The following NEDD4L variants were observed in gnomAD, a reference collection of about 807,000 sequenced individuals.
NEDD4L encodes the protein NEDD4 like E3 ubiquitin protein ligase, also known as E3 ubiquitin-protein ligase NEDD4-like.
A neutral mutation model predicts 148.9 loss-of-function variants in NEDD4L; 54 were observed. That is an observed-to-expected ratio of 0.36 (90% CI 0.29 to 0.45). The LOEUF (loss-of-function observed/expected upper bound fraction) is 0.45. Among genes scored for constraint, NEDD4L ranks in the 20% least tolerant of loss-of-function variants. The probability of loss-of-function intolerance (pLI) is 1.00; values close to 1 mark genes in which losing one functional copy is unlikely to be tolerated. For synonymous variants in NEDD4L, 433 were observed against 440.7 expected, an observed-to-expected ratio of 0.98 and a Z score of 0.22; for missense variants, 856 against 1,233.8, an observed-to-expected ratio of 0.69 and a Z score of 4.59.
chr18:58,149,529 C>T (rs749832739), intron 1 of NEDD4L: 54 of 1,551,132 alleles, frequency 3.5e-5, no homozygotes, highest in Non-Finnish European at 4.6e-5. Flanking sequence ...ATATTGTATT[C>T]TCCTAAATGA....
intron 2 of NEDD4L, among the ~76,000 whole-genome samples, chr18:58,215,708 TGAAAAAAAATAGA>T (rs1464111271): frequency 6.6e-6 from 1 of 151,748 alleles, no homozygotes; most frequent in Non-Finnish European, 1.5e-5. Flanking sequence ...TTTCTAAGTC[TGAAAAAAAATAGA>T]GGAAAAAACA....
chr18:58,378,996 TTC>T (rs1012648760), intron 24 of NEDD4L, among the ~76,000 whole-genome samples: 1 of 152,206 alleles, frequency 6.6e-6, no homozygotes, highest in African/African-American at 2.4e-5. Context: ...TACTGCAGTG[TTC>T]TCCCACGAGC....
intron 23 of NEDD4L, among the ~76,000 whole-genome samples, chr18:58,370,690 A>C (rs920692022): frequency 2.0e-5 from 3 of 152,222 alleles, no homozygotes; most frequent in African/African-American, 7.2e-5. Context: ...ATACATCCAA[A>C]TCCCAGTTGC....
chr18:58,296,434 G>A (rs889209126), intron 5 of NEDD4L, among the ~76,000 whole-genome samples: 2 of 152,194 alleles, frequency 1.3e-5, no homozygotes, highest in Non-Finnish European at 2.9e-5. Flanking sequence ...CAGTTTTGGA[G>A]GCCGCTTCAA....
At chr18:58,341,847 ATTCT>A in intron 15 of NEDD4L, 50 bp downstream of exon 15, 1 of 1,581,878 alleles carries the variant, frequency 6.3e-7, no homozygotes, top group Non-Finnish European at 8.6e-7. Flanking sequence ...TGTGACTCCC[ATTCT>A]TTCTTCTCTC....
chr18:58,280,210 G>A (rs778845006), intron 5 of NEDD4L, among the ~76,000 whole-genome samples: 1 of 152,204 alleles, frequency 6.6e-6, no homozygotes, highest in Middle Eastern at 3.2e-3. Context: ...AAAGGTAGAT[G>A]ATGCCTCTGG....
intron 1 of NEDD4L, among the ~76,000 whole-genome samples, chr18:58,077,000 G>A (rs923334226): frequency 2.2e-4 from 34 of 151,188 alleles, no homozygotes; most frequent in Non-Finnish European, 2.9e-4. Context: ...ACAGGTGCGC[G>A]CCACTATACC....
At chr18:58,262,382 A>G (rs1310254009) in intron 5 of NEDD4L, among the ~76,000 whole-genome samples, 2 of 152,208 alleles carry the variant, frequency 1.3e-5, no homozygotes, top group Non-Finnish European at 2.9e-5. Flanking sequence ...TAATCCCAGC[A>G]CTTCCAGAGG....
At chr18:58,108,021 G>A (rs1442564693) in intron 1 of NEDD4L, among the ~76,000 whole-genome samples, 2 of 152,126 alleles carry the variant, frequency 1.3e-5, no homozygotes, top group Non-Finnish European at 2.9e-5. Context: ...CACCCAGCTG[G>A]AAAGGACTTT....
intron 2 of NEDD4L, among the ~76,000 whole-genome samples, chr18:58,182,378 G>C (rs1247850843): frequency 2.6e-5 from 4 of 151,946 alleles, no homozygotes; most frequent in Non-Finnish European, 5.9e-5. Context: ...GGCATTTAGG[G>C]AGAAAAAAGT....
intron 1 of NEDD4L, among the ~76,000 whole-genome samples, chr18:58,109,435 T>C (rs191140216): frequency 6.6e-6 from 1 of 152,192 alleles, no homozygotes; most frequent in Admixed American, 6.5e-5. Flanking sequence ...TCTAGAGGGA[T>C]GGGAGAGGCC....
At chr18:58,226,755 C>G (rs1265607645) in intron 2 of NEDD4L, among the ~76,000 whole-genome samples, 1 of 152,128 alleles carries the variant, frequency 6.6e-6, no homozygotes, top group South Asian at 2.1e-4. Context: ...TCTCATGAGG[C>G]CTCACTGCTA....
At chr18:58,380,051 A>G (rs1288607684) in intron 24 of NEDD4L, among the ~76,000 whole-genome samples, 1 of 147,910 alleles carries the variant, frequency 6.8e-6, no homozygotes, top group Non-Finnish European at 1.5e-5. Flanking sequence ...GTGTGGGCCC[A>G]TTTTTTCTTT....
At chr18:58,251,805 G>A (rs1258130942) in intron 4 of NEDD4L, among the ~76,000 whole-genome samples, 196 bp from the exon 5 acceptor site, 2 of 151,982 alleles carry the variant, frequency 1.3e-5, no homozygotes, top group East Asian at 3.9e-4. Context: ...CCTAAATTTG[G>A]GGCAGAATAA....
At chr18:58,079,097 T>G (rs1205592894) in intron 1 of NEDD4L, among the ~76,000 whole-genome samples, 3 of 152,130 alleles carry the variant, frequency 2.0e-5, no homozygotes, top group Non-Finnish European at 4.4e-5. Flanking sequence ...CTGCGGGGTG[T>G]GTGTGAGCTG....
At chr18:58,220,374 C>T (rs2043602759) in intron 2 of NEDD4L, among the ~76,000 whole-genome samples, 1 of 151,528 alleles carries the variant, frequency 6.6e-6, no homozygotes, top group African/African-American at 2.4e-5. Flanking sequence ...GCACTCCAGC[C>T]TGGGTGACAG....
At chr18:58,298,160 T>C (rs1294730705) in intron 5 of NEDD4L, among the ~76,000 whole-genome samples, 1 of 152,212 alleles carries the variant, frequency 6.6e-6, no homozygotes, top group Admixed American at 6.5e-5. Flanking sequence ...CCCTACCGTT[T>C]TGGGTAATTT....
At chr18:58,234,045 T>TTTTCTTTCTTTTTTTCTTTC in intron 2 of NEDD4L, among the ~76,000 whole-genome samples, 1 of 117,970 alleles carries the variant, frequency 8.5e-6, no homozygotes, top group South Asian at 2.9e-4. Flanking sequence ...ATTTCTTTCC[T>TTTTCTTTCTTTTTTTCTTTC]TTTCTTTCTT....
At chr18:58,369,860 C>A (rs549821706) in intron 22 of NEDD4L, among the ~76,000 whole-genome samples, 4 of 152,236 alleles carry the variant, frequency 2.6e-5, no homozygotes, top group Non-Finnish European at 5.9e-5. Context: ...TTCCCCATTT[C>A]CAGCCTGTCC....
Sources: gnomAD v4.1 joint callset for allele counts (sites outside exome capture counted in the v4.1 genomes callset) on GRCh38, gnomAD v4.1.1 for gene constraint, MANE v1.5 for transcripts, NCBI Gene and HGNC (gene_info 2026-07-23, HGNC 2026-07-21) for gene names.